CHST15: variants seen among roughly 807,000 people sequenced by gnomAD.
CHST15 encodes the protein B cell RAG associated protein (GALNAC4S-6ST).
CHST15 carries 30 observed loss-of-function variants against 53.6 expected under a neutral mutation model. The ratio of observed to expected loss-of-function variants is 0.56; its 90% confidence interval spans 0.42 to 0.76. The LOEUF is 0.76. Among genes scored for constraint, CHST15 ranks in the 30% least tolerant of loss-of-function variants. CHST15 has a pLI of 0.00. For missense variants in CHST15, 627 were observed against 740.5 expected (o/e 0.85, Z 1.78); for synonymous variants, 296 against 289.8 (o/e 1.02, Z -0.22).
chr10:124,026,826 A>G (rs1564859863), intron 5 of CHST15, among the ~76,000 whole-genome samples: 1 of 152,188 alleles, frequency 6.6e-6, no homozygotes. Context: ...TGAAGGACTG[A>G]CCAGCGGGCA....
intron 1 of CHST15, among the ~76,000 whole-genome samples, chr10:124,061,586 G>A (rs569259079): frequency 1.3e-5 from 2 of 152,234 alleles, no homozygotes; most frequent in Admixed American, 1.3e-4. Context: ...GCATTTGGGG[G>A]GCTATGCTTT....
At chr10:124,032,398 C>T (rs773016241) in intron 5 of CHST15, among the ~76,000 whole-genome samples, 5 of 152,134 alleles carry the variant, frequency 3.3e-5, no homozygotes, top group Non-Finnish European at 7.4e-5. Context: ...ACAGATGGTA[C>T]ATGACCCCAC....
intron 1 of CHST15, among the ~76,000 whole-genome samples, chr10:124,062,848 C>T (rs1330636750): frequency 6.6e-6 from 1 of 152,066 alleles, no homozygotes; most frequent in African/African-American, 2.4e-5. Flanking sequence ...AGCTGAAGAC[C>T]TCTCACCTCA....
At chr10:124,034,095 G>T (rs1947329339) in intron 5 of CHST15, among the ~76,000 whole-genome samples, 1 of 152,160 alleles carries the variant, frequency 6.6e-6, no homozygotes, top group Admixed American at 6.5e-5. Context: ...CAGCTACCAG[G>T]GGGTAGGCAC....
intron 6 of CHST15, chr10:124,020,566 G>A: frequency 2.7e-5 from 27 of 985,656 alleles, no homozygotes; most frequent in Non-Finnish European, 3.3e-5. Flanking sequence ...GCCTGTTGGT[G>A]CCTTGCTATG....
In CHST15 at chr10:124,045,988, T is replaced by C. The variant is rs1020862141; in HGVS notation, c.225A>G (p.Lys75=). 1.2e-6 allele frequency: 2 copies of C among 1,614,156 alleles called. No individual in the cohort carries two copies. The highest frequency in any genetic ancestry group is 1.7e-6 in the Non-Finnish European group (2 of 1,180,016). The change falls in exon 2 of 8, where the codon AAA becomes AAG. Residue 75 remains lysine, a synonymous_variant. Coordinates refer to ENST00000435907, the MANE Select transcript of CHST15 (RefSeq NM_001270764.2). ...NENWGGFLRF[K]KGKRCSLVFG... ...AAACGAGGCTACATCGCTTCCCCTT[T>C]TTGAAGCGCAAAAACCCACCCCAGT...
At chr10:124,028,765 T>C (rs985146270) in intron 5 of CHST15, among the ~76,000 whole-genome samples, 1 of 152,228 alleles carries the variant, frequency 6.6e-6, no homozygotes, top group Non-Finnish European at 1.5e-5. Context: ...GCTCCACGTA[T>C]GGGACTTCTC....
rs1487358225 is a variant in CHST15 at position 124,036,547 on chromosome 10, C to T, written c.1190+1968G>A. Among the ~76,000 whole-genome samples, 3 of 152,050 alleles carry T rather than the reference C, an allele frequency of 2.0e-5. No homozygotes were observed. The highest frequency in any genetic ancestry group is 2.9e-5 in the Non-Finnish European group (2 of 68,028). On this transcript the variant is annotated intron_variant, in intron 5 of 7. Transcript: ENST00000435907. The surrounding 1 kb of genome is among the most constrained non-coding windows in gnomAD (Gnocchi z 5.1). ...AGCAGCGGGAGCCATGCAGACTCCA[C>T]AAGAGGGACATCAGCTCAGAAGTGT...
intron 1 of CHST15, among the ~76,000 whole-genome samples, chr10:124,064,672 C>A (rs1342085194): frequency 1.3e-5 from 2 of 151,906 alleles, no homozygotes; most frequent in Non-Finnish European, 2.9e-5. Context: ...CCCGAGCCCC[C>A]ACTCCTGCTG....
chr10:124,082,068 TCTGGGC>T (rs1349172424), intron 1 of CHST15, among the ~76,000 whole-genome samples: 8 of 152,266 alleles, frequency 5.3e-5, no homozygotes, highest in Admixed American at 4.6e-4. Flanking sequence ...GGGGAGATGT[TCTGGGC>T]CTCGGACATC....
At chr10:124,023,939 G>A (rs1278354079) in intron 5 of CHST15, among the ~76,000 whole-genome samples, 2 of 151,994 alleles carry the variant, frequency 1.3e-5, no homozygotes, top group Admixed American at 1.3e-4. Context: ...CGCCTCCCGG[G>A]TTCAAGCAAT....
intron 5 of CHST15, among the ~76,000 whole-genome samples, chr10:124,028,371 CCT>C (rs1947092946): frequency 6.6e-6 from 1 of 152,176 alleles, no homozygotes; most frequent in South Asian, 2.1e-4. Context: ...CTCTGCAGGA[CCT>C]GGCTCCAAGG....
At chr10:124,022,810 TC>T (rs373504389) in intron 5 of CHST15, among the ~76,000 whole-genome samples, 1 of 145,932 alleles carries the variant, frequency 6.9e-6, no homozygotes, top group African/African-American at 2.6e-5. Flanking sequence ...CCTTGGCATT[TC>T]TTTTTTTTTT....
At chr10:124,023,302 T>C (rs991042531) in intron 5 of CHST15, among the ~76,000 whole-genome samples, 1 of 151,838 alleles carries the variant, frequency 6.6e-6, no homozygotes, top group East Asian at 1.9e-4. Context: ...CCAGGCAACA[T>C]AGTGAAACCT....
At chr10:124,050,948 C>CT (rs879795880) in intron 1 of CHST15, among the ~76,000 whole-genome samples, 15 of 151,998 alleles carry the variant, frequency 9.9e-5, no homozygotes, top group Admixed American at 5.9e-4. Flanking sequence ...ACTACATATT[C>CT]TTTTTTTTGT....
At chr10:124,045,130 A>AAAAC (rs1947937240) in intron 2 of CHST15, among the ~76,000 whole-genome samples, 10 of 149,014 alleles carry the variant, frequency 6.7e-5, no homozygotes, top group Admixed American at 2.7e-4. Flanking sequence ...AAAAAAAAAA[A>AAAAC]AAAAAAAAAA....
chr10:124,049,299 T>C (rs190314292), intron 1 of CHST15, among the ~76,000 whole-genome samples: 2 of 152,296 alleles, frequency 1.3e-5, no homozygotes, highest in East Asian at 3.9e-4. Flanking sequence ...TTGGAATTTT[T>C]CTGAATGATG....
At chr10:124,057,510 C>T (rs1948423254) in intron 1 of CHST15, among the ~76,000 whole-genome samples, 2 of 152,284 alleles carry the variant, frequency 1.3e-5, no homozygotes, top group East Asian at 1.9e-4. Flanking sequence ...TGGGCTGCAG[C>T]GTGTCCGTTC....
At chr10:124,030,272 C>T (rs993164194) in intron 5 of CHST15, among the ~76,000 whole-genome samples, 5 of 152,180 alleles carry the variant, frequency 3.3e-5, no homozygotes, top group African/African-American at 1.2e-4. Flanking sequence ...CCTCAGGTGG[C>T]TCAACAGCTC....
Sources: gnomAD v4.1 joint callset for allele counts (sites outside exome capture counted in the v4.1 genomes callset) on GRCh38, gnomAD v4.1.1 for gene constraint, Gnocchi (gnomAD v3.1) non-coding constraint, MANE v1.5 for transcripts, NCBI Gene and HGNC (gene_info 2026-07-23, HGNC 2026-07-21) for gene names.